The following MRPL43 variants were observed in gnomAD, a reference collection of about 807,000 sequenced individuals.
The protein encoded by MRPL43 is large ribosomal subunit protein mL43.
Under a neutral mutation model 12.7 loss-of-function variants are expected in MRPL43, and 9 were observed. That is an observed-to-expected ratio of 0.71 (90% CI 0.43 to 1.24). MRPL43 has a LOEUF of 1.24. MRPL43 is among the 50% of genes most tolerant of loss of function. The probability of loss-of-function intolerance (pLI) is 0.00; values close to 1 mark genes in which losing one functional copy is unlikely to be tolerated. For missense variants in MRPL43, 211 were observed against 229.2 expected (o/e 0.92, Z 0.51); for synonymous variants, 116 against 96.4 (o/e 1.20, Z -1.19).
downstream of MRPL43, chr10:100,978,532 G>A (rs769114862): frequency 4.2e-5 from 67 of 1,613,798 alleles, no homozygotes; most frequent in Admixed American, 2.3e-4. Flanking sequence ...GCCAGATGGA[G>A]GCCTCTACAC....
At chr10:100,981,623 T>C (rs145390760), downstream of MRPL43, 303 of 1,531,094 alleles carry the variant, frequency 2.0e-4, no homozygotes, top group African/African-American at 3.8e-3. Flanking sequence ...ATCTAAATAC[T>C]TCTATGCATG....
chr10:100,985,104 ACACTG>A, downstream of MRPL43: 2 of 501,634 alleles, frequency 4.0e-6, no homozygotes, highest in Non-Finnish European at 6.9e-6. Context: ...TGGATGACCA[ACACTG>A]CACTCAATGA....
At chr10:100,985,124 G>C, downstream of MRPL43, 2 of 450,406 alleles carry the variant, frequency 4.4e-6, no homozygotes, top group Non-Finnish European at 7.8e-6. Context: ...CAATGAGCCA[G>C]CCTCTCTTTT....
Position 100,987,085 on chromosome 10 carries a change from C to G in MRPL43, c.238+5G>C. On this transcript the variant is annotated splice_donor_5th_base_variant and intron_variant, in intron 2 of 2. Transcript: ENST00000318364. ...GCCCTCCAGCCCGAGCCCGGCCCCA[C>G]TCACGGTATTCGGCCACTACTCTGG... 6.2e-7 allele frequency: 1 copy of G among 1,613,264 alleles called. No homozygotes were observed. The highest frequency in any genetic ancestry group is 8.5e-7 in the Non-Finnish European group (1 of 1,179,984).
At chr10:100,981,150 C>T (rs906948756), downstream of MRPL43, 4 of 1,614,130 alleles carry the variant, frequency 2.5e-6, no homozygotes, top group Non-Finnish European at 3.4e-6. Context: ...GTTCATAAAA[C>T]CTGATCTTCT....
chr10:100,977,922 T>C, downstream of MRPL43: 1 of 594,332 alleles, frequency 1.7e-6, no homozygotes, highest in Non-Finnish European at 3.0e-6. Context: ...CCATGCAGTT[T>C]TTATAGCATT....
At chr10:100,980,124 T>C, downstream of MRPL43, 1 of 1,614,162 alleles carries the variant, frequency 6.2e-7, no homozygotes, top group Non-Finnish European at 8.5e-7. Flanking sequence ...CACGCCAGTG[T>C]ATCACAGATT....
At chr10:100,984,933 TG>T (rs1366179476), downstream of MRPL43, 3 of 1,439,598 alleles carry the variant, frequency 2.1e-6, no homozygotes, top group Non-Finnish European at 2.7e-6. Context: ...CATGCACATG[TG>T]GTAACACACA....
At position 100,986,531 on chromosome 10, in the gene MRPL43, A is replaced by C; in HGVS notation, c.*203T>G. ...AGGTTTTAGGGATGCCACTTGCATA[A>C]AAATGAGTGGTTCACAAGGTCACTG... On this transcript the variant is annotated 3_prime_UTR_variant, in exon 3 of 3. Coordinates refer to ENST00000318364, the MANE Select transcript of MRPL43 (RefSeq NM_032112.3). 6.4e-7 allele frequency: 1 copy of C among 1,553,744 alleles called. No homozygotes were observed. The highest frequency in any genetic ancestry group is 2.0e-5 in the Admixed American group (1 of 51,168).
downstream of MRPL43, chr10:100,981,496 A>T (rs759461310): frequency 5.6e-6 from 9 of 1,614,222 alleles, no homozygotes; most frequent in Non-Finnish European, 6.8e-6. Context: ...AGGGTTCAGG[A>T]CGGTAATGGG....
downstream of MRPL43, chr10:100,980,596 A>C: frequency 1.2e-6 from 2 of 1,614,122 alleles, no homozygotes; most frequent in Non-Finnish European, 1.7e-6. Context: ...TGGATCCACA[A>C]GGCCGTAGTC....
chr10:100,978,672 G>A (rs745905478), downstream of MRPL43: 5 of 1,593,172 alleles, frequency 3.1e-6, no homozygotes, highest in African/African-American at 5.4e-5. Flanking sequence ...ATGATGGGGG[G>A]TAGGGGACTA....
downstream of MRPL43, chr10:100,984,063 C>G: frequency 1.9e-6 from 3 of 1,613,750 alleles, no homozygotes; most frequent in Non-Finnish European, 2.5e-6. Context: ...CGCCGAGGAA[C>G]TCAGCCGCAT....
At chr10:100,983,268 G>A (rs1851206116), downstream of MRPL43, 1 of 1,475,390 alleles carries the variant, frequency 6.8e-7, no homozygotes. Flanking sequence ...CCCTTCCTGG[G>A]ACGGGCTGGT....
At chr10:100,979,195 C>A, downstream of MRPL43, 1 of 1,614,204 alleles carries the variant, frequency 6.2e-7, no homozygotes, top group Non-Finnish European at 8.5e-7. Flanking sequence ...TGAGACACTG[C>A]GTGGGGTCTG....
At chr10:100,983,642 C>A, downstream of MRPL43, 1 of 1,613,836 alleles carries the variant, frequency 6.2e-7, no homozygotes, top group Non-Finnish European at 8.5e-7. Flanking sequence ...TGAGACTGCT[C>A]TATGTGCTAG....
At chr10:100,982,166 A>G (rs149647789), downstream of MRPL43, among the ~76,000 whole-genome samples, 1 of 151,916 alleles carries the variant, frequency 6.6e-6, no homozygotes, top group East Asian at 1.9e-4. Flanking sequence ...CCCACAAGTT[A>G]GCCAGGCAAG....
At chr10:100,984,343 C>G, downstream of MRPL43, 1 of 1,441,478 alleles carries the variant, frequency 6.9e-7, no homozygotes, top group Non-Finnish European at 9.1e-7. Flanking sequence ...CCAGGCCCAT[C>G]GGTGCTCCTC....
At chr10:100,980,677 T>A (rs757896884), downstream of MRPL43, 1 of 1,613,788 alleles carries the variant, frequency 6.2e-7, no homozygotes, top group Non-Finnish European at 8.5e-7. Context: ...GAAAATCTAG[T>A]CATCTCTCTA....
Sources: allele counts gnomAD v4.1 joint callset (sites outside exome capture counted in the v4.1 genomes callset), GRCh38; gene constraint gnomAD v4.1.1; transcripts MANE v1.5; gene names NCBI Gene and HGNC (gene_info 2026-07-23, HGNC 2026-07-21).